Variants in SUZ12 observed in about 807,000 individuals in gnomAD.
SUZ12 encodes polycomb protein SUZ12.
SUZ12 carries 17 observed loss-of-function variants against 87.3 expected under a neutral mutation model. The ratio of observed to expected loss-of-function variants is 0.19; its 90% CI spans 0.13 to 0.29. SUZ12 has a LOEUF of 0.29. SUZ12 is among the 10% of genes least tolerant of loss of function. SUZ12 has a pLI of 1.00. For missense variants in SUZ12, 526 were observed against 912.2 expected (o/e 0.58, Z 5.45); for synonymous variants, 253 against 312.4 (o/e 0.81, Z 2.01).
intron 7 of SUZ12, among the ~76,000 whole-genome samples, chr17:31,976,005 C>A (rs1908728171): frequency 6.6e-6 from 1 of 152,072 alleles, no homozygotes; most frequent in African/African-American, 2.4e-5. Context: ...ATTGTGAATT[C>A]ATCTTTGAGG....
At chr17:31,994,419 C>A in intron 12 of SUZ12, 145 bp from the exon 13 acceptor site, 1 of 632,470 alleles carries the variant, frequency 1.6e-6, no homozygotes, top group Non-Finnish European at 2.4e-6. Flanking sequence ...GACCCCAGGT[C>A]TTCTGACTGC....
rs114873006 is a variant in SUZ12 at position 31,981,872 on chromosome 17, T to G, written c.918-1127T>G. The stretch of plus-strand genomic sequence containing the variant: ...ATAGTTCATAGCATTGTTGGGAAGA[T>G]TAAATGAACCATGTAAAATCTTTAT... On this transcript the variant is annotated intron_variant, in intron 8 of 15. Coordinates refer to ENST00000322652, the MANE Select transcript of SUZ12 (RefSeq NM_015355.4). Among the ~76,000 whole-genome samples, 460 of 152,316 alleles carry G rather than the reference T, an allele frequency of 3.0e-3. 2 individuals are homozygous for G. The highest frequency in any genetic ancestry group is 0.011 in the African/African-American group (440 of 41,560).
Position 31,974,188 on chromosome 17 carries a change from C to T in SUZ12, c.591+957C>T, listed in dbSNP as rs9903533. Among the ~76,000 whole-genome samples the T allele has an allele frequency of 8.5e-3, 1,282 of 150,880 alleles. 16 individuals are homozygous for T. The highest frequency in any genetic ancestry group is 0.03 in the African/African-American group (1,229 of 41,074). On this transcript the variant is annotated intron_variant, in intron 6 of 15. Coordinates refer to ENST00000322652, the MANE Select transcript of SUZ12 (RefSeq NM_015355.4). ...TTGCACCACTGAGCTCCAGCCTGTG[C>T]GACAGAGTGAAACTGTCTCAAGAAA...
At chr17:31,950,842 C>T (rs1391568350) in intron 4 of SUZ12, among the ~76,000 whole-genome samples, 2 of 151,736 alleles carry the variant, frequency 1.3e-5, no homozygotes, top group African/African-American at 2.4e-5. Flanking sequence ...TGCAGTGACG[C>T]GATCTCAGCT....
intron 3 of SUZ12, among the ~76,000 whole-genome samples, chr17:31,942,615 A>AC (rs1389056765): frequency 1.3e-5 from 2 of 150,868 alleles, no homozygotes; most frequent in Non-Finnish European, 3.0e-5. Context: ...GGGATTACAG[A>AC]CCTGAGCCAC....
At chr17:31,991,443 T>A (rs1416793951) in intron 10 of SUZ12, among the ~76,000 whole-genome samples, 1 of 151,774 alleles carries the variant, frequency 6.6e-6, no homozygotes, top group Admixed American at 6.6e-5. Flanking sequence ...CTCAGAATAC[T>A]CAGAAACCAG....
At chr17:31,996,998 T>C (rs1910009145) in intron 15 of SUZ12, 121 bp downstream of exon 15, 1 of 690,422 alleles carries the variant, frequency 1.4e-6, no homozygotes, top group East Asian at 3.6e-5. Flanking sequence ...TGTATATTTG[T>C]CCCAAATTTT....
rs370141279 is a variant in SUZ12, at chr17:31,940,359, A to T, written c.321+27A>T. On this transcript the variant is annotated intron_variant, in intron 2 of 15. Coordinates refer to ENST00000322652, the MANE Select transcript of SUZ12 (RefSeq NM_015355.4). ...TAAGTAGTCAACAAAATTCATCAAT[A>T]TTATTTCTCTCTTATAACTGCATCT... The T allele has an allele frequency of 3.1e-6, 5 of 1,607,930 alleles. No individual in the cohort carries two copies. The East Asian group carries it at 1.1e-4, about 36-fold the overall frequency.
chr17:31,998,580 C>T, intron 15 of SUZ12, 78 bp from the exon 16 acceptor site: 1 of 1,002,122 alleles, frequency 1.0e-6, no homozygotes, highest in Non-Finnish European at 1.4e-6. Context: ...TGGATATAGT[C>T]TTATTATAAT....
intron 4 of SUZ12, among the ~76,000 whole-genome samples, chr17:31,948,375 G>T (rs1259819056): frequency 1.3e-5 from 2 of 152,118 alleles, no homozygotes; most frequent in Admixed American, 1.3e-4. Context: ...ATTCTAAGGA[G>T]AAACAGCAGC....
intron 3 of SUZ12, among the ~76,000 whole-genome samples, chr17:31,941,852 CCTT>C (rs1262858541): frequency 2.7e-5 from 4 of 147,444 alleles, no homozygotes; most frequent in South Asian, 2.2e-4. Context: ...CCCAGCCTGA[CCTT>C]CTTTTTCTTT....
intron 8 of SUZ12, among the ~76,000 whole-genome samples, chr17:31,981,104 A>C (rs1909077321): frequency 6.6e-6 from 1 of 152,188 alleles, no homozygotes; most frequent in South Asian, 2.1e-4. Flanking sequence ...AAAGAATGCA[A>C]AGTTGAACAA....
chr17:31,993,420 T>TTTTA (rs1288922732), intron 11 of SUZ12, 87 bp downstream of exon 11: 17 of 902,282 alleles, frequency 1.9e-5, no homozygotes, highest in African/African-American at 3.5e-5. Context: ...TTCATTTTTA[T>TTTTA]TTTATTTATT....
intron 4 of SUZ12, 82 bp downstream of exon 4, chr17:31,947,767 C>T (rs1906719978): frequency 1.4e-6 from 2 of 1,385,964 alleles, no homozygotes; most frequent in Admixed American, 2.8e-5. Flanking sequence ...CTAGTGATCA[C>T]CTTGATATAA....
intron 10 of SUZ12, among the ~76,000 whole-genome samples, chr17:31,989,765 A>ATTTTTTTTTTTTTT (rs568524946): frequency 1.5e-5 from 2 of 129,866 alleles, no homozygotes; most frequent in Non-Finnish European, 3.3e-5. Flanking sequence ...CGACCAGCTA[A>ATTTTTTTTTTTTTT]TTTTTTTTTT....
chr17:31,985,758 G>T (rs1018729190), intron 9 of SUZ12, among the ~76,000 whole-genome samples: 21 of 151,954 alleles, frequency 1.4e-4, no homozygotes, highest in African/African-American at 4.8e-4. Flanking sequence ...CGCCTCCCGG[G>T]TTCAAGCGAT....
intron 8 of SUZ12, among the ~76,000 whole-genome samples, chr17:31,979,579 T>G (rs1168062289): frequency 2.0e-5 from 3 of 152,180 alleles, no homozygotes; most frequent in African/African-American, 7.2e-5. Flanking sequence ...CAATTAGGAC[T>G]TCTGTGGTGA....
intron 8 of SUZ12, among the ~76,000 whole-genome samples, chr17:31,981,918 G>C (rs1314254443): frequency 6.6e-6 from 1 of 152,168 alleles, no homozygotes; most frequent in African/African-American, 2.4e-5. Flanking sequence ...GGCACATAGT[G>C]AACACTCAAT....
In SUZ12 at chr17:31,982,867, T is replaced by C. The variant is rs1226275556; in HGVS notation, c.918-132T>C. 5 of 1,279,422 alleles carry C rather than the reference T, an allele frequency of 3.9e-6. No individual in the cohort carries two copies. The East Asian group carries it at 1.3e-4, about 33-fold the overall frequency. 79.3% of individuals were successfully genotyped at this position (1,279,422 alleles called of 1,614,324 possible). A position where few individuals can be genotyped will look rare whatever the true frequency, so the allele number is the denominator to read the frequency against. ...CAGGACTGGAGTGTAGCTGTATTTT[T>C]AAAATCTTGTTGGGTATGTAAGCTA... On this transcript the variant is annotated intron_variant, in intron 8 of 15. Coordinates refer to ENST00000322652, the MANE Select transcript of SUZ12 (RefSeq NM_015355.4).
Sources: allele counts gnomAD v4.1 joint callset (sites outside exome capture counted in the v4.1 genomes callset), GRCh38; gene constraint gnomAD v4.1.1; transcripts MANE v1.5; gene names NCBI Gene and HGNC (gene_info 2026-07-23, HGNC 2026-07-21).